Variants in JAG2 observed in about 807,000 individuals in gnomAD.
JAG2 encodes jagged canonical Notch ligand 2.
In JAG2, 46 loss-of-function variants were observed where a neutral mutation model predicts 141.7. The ratio of observed to expected loss-of-function variants is 0.32; its 90% confidence interval spans 0.26 to 0.42. The LOEUF (loss-of-function observed/expected upper bound fraction) is 0.42, where lower values mean the gene tolerates loss of function less well. JAG2 is among the 10% of genes least tolerant of loss of function. The probability of loss-of-function intolerance (pLI) is 1.00; values close to 1 mark genes in which losing one functional copy is unlikely to be tolerated. For synonymous variants in JAG2, 862 were observed against 763.5 expected (o/e 1.13, Z -2.13); for missense variants, 1,500 against 1,817.5 (o/e 0.83, Z 3.18).
chr14:105,163,102 C>CTTCTCCTCT (rs1362364677), intron 2 of JAG2, among the ~76,000 whole-genome samples: 1 of 152,230 alleles, frequency 6.6e-6, no homozygotes, highest in African/African-American at 2.4e-5. Flanking sequence ...GACTTGGTTT[C>CTTCTCCTCT]TTCTCCTCGG....
Position 105,143,558 on chromosome 14 carries a change from C to G in JAG2, c.3165G>C (p.Gln1055His). The G allele has an allele frequency of 6.2e-7, 1 of 1,600,660 alleles. No individual in the cohort carries two copies. Among genetic ancestry groups the G allele is most frequent in the Non-Finnish European group, 8.5e-7 (1 of 1,176,248 alleles). ...CCAGGAGCAGTGAGCTGTTCCCCCG[C>G]TGGGTGATGGCGGCCACGATGGCGT... ...AAHAIVAAIT[Q>H]RGNSSLLLAV... Residue 1055 changes from glutamine to histidine, a missense_variant, in exon 25 of 26, where the codon CAG becomes CAC. Physicochemically the swap from Gln to His is conservative, Grantham distance 24. Transcript: ENST00000331782.
chr14:105,143,349 C>T (rs868742893), intron 25 of JAG2, 133 bp downstream of exon 25: 49 of 1,299,418 alleles, frequency 3.8e-5, no homozygotes, highest in Non-Finnish European at 4.4e-5. Context: ...TGGGGCTGGG[C>T]GGCTGGGGCA....
In JAG2 at chr14:105,167,993, C is replaced by A; in HGVS notation, c.181G>T (p.Gly61Cys). 4.4e-6 allele frequency: 7 copies of A among 1,601,854 alleles called. No homozygotes were observed. Among genetic ancestry groups the A allele is most frequent in the Non-Finnish European group, 5.9e-6 (7 of 1,177,504 alleles). Residue 61 changes from glycine (G) to cysteine (C), a missense_variant, in exon 2 of 26, where the codon GGC becomes TGC. By Grantham distance (159) the Gly-to-Cys change is radical. Transcript: ENST00000331782. The surrounding 1 kb of genome is among the most constrained non-coding windows in gnomAD (Gnocchi z 4.8). ...DGDGRTTRAGGCGHDECDTYV... is the reference protein window; with the variant it reads ...DGDGRTTRAGCCGHDECDTYV... ...GTGTCGCACTCGTCGTGGCCGCAGC[C>A]CCCCGCGCGCGTTGTCCGGCCGTCG... is the stretch of plus-strand genomic sequence containing the variant.
intron 20 of JAG2, chr14:105,147,061 G>C: frequency 1.7e-6 from 1 of 603,942 alleles, no homozygotes; most frequent in Non-Finnish European, 3.0e-6. Context: ...AGGAGCCCAC[G>C]TCAGGCTGCA....
At chr14:105,155,158 C>A (rs1888542396) in intron 5 of JAG2, among the ~76,000 whole-genome samples, 1 of 151,882 alleles carries the variant, frequency 6.6e-6, no homozygotes, top group Non-Finnish European at 1.5e-5. Context: ...GGCCTCAGCT[C>A]CCACCACTGG....
intron 2 of JAG2, among the ~76,000 whole-genome samples, chr14:105,159,724 C>G (rs1283846539): frequency 1.9e-5 from 2 of 103,864 alleles, no homozygotes; most frequent in Non-Finnish European, 4.1e-5. Flanking sequence ...CCACACCCCC[C>G]CAGAGCTCCA....
At chr14:105,147,740 G>A (rs1888271075) in intron 18 of JAG2, 32 bp downstream of exon 18, 1 of 1,446,556 alleles carries the variant, frequency 6.9e-7, no homozygotes, top group Admixed American at 2.0e-5. Flanking sequence ...GTGGAGGAAA[G>A]CGGCCCCCGC....
At chr14:105,147,972 G>A in intron 17 of JAG2, 84 bp from the exon 18 acceptor site, 2 of 1,235,038 alleles carry the variant, frequency 1.6e-6, no homozygotes, top group South Asian at 1.3e-5. Context: ...AACCCAGACA[G>A]GGCAGACAGA....
In JAG2 at chr14:105,151,405, G is replaced by A. The variant is rs765371897; in HGVS notation, c.1154-9C>T. On this transcript the variant is annotated splice_polypyrimidine_tract_variant and intron_variant, in intron 8 of 25. Coordinates refer to ENST00000331782, the MANE Select transcript of JAG2 (RefSeq NM_002226.5). ...AGCACACTCATCGATGTCTGCAGAG[G>A]GTGGAGAAAGGTGGGGCCCTGGCAG... 8 of 1,605,732 alleles carry A rather than the reference G, an allele frequency of 5.0e-6. No individual in the cohort carries two copies. Among genetic ancestry groups the A allele is most frequent in the East Asian group, 2.2e-5 (1 of 44,846 alleles).
chr14:105,150,136 G>T (rs1410085372), intron 12 of JAG2, among the ~76,000 whole-genome samples: 1 of 145,500 alleles, frequency 6.9e-6, no homozygotes, highest in African/African-American at 2.6e-5. Flanking sequence ...AGGGGAGGTT[G>T]GGGGAGGGGG....
Position 105,142,493 on chromosome 14 carries a change from T to C in JAG2, c.*202A>G, listed in dbSNP as rs1029824149. On this transcript the variant is annotated 3_prime_UTR_variant, in exon 26 of 26. Coordinates refer to ENST00000331782, the MANE Select transcript of JAG2 (RefSeq NM_002226.5). ...TACAAAAATAGCAACTATCCGAGAA[T>C]ACTCCATTGTTTTCAGCCTGACAGT... 3 of 582,158 alleles carry C rather than the reference T, an allele frequency of 5.2e-6. No individual in the cohort carries two copies. The African/African-American group carries it at 5.6e-5, about 11-fold the overall frequency. The allele number at this position is 582,158 out of a possible 1,614,324, so 36.1% of individuals were successfully genotyped here.
intron 2 of JAG2, among the ~76,000 whole-genome samples, chr14:105,163,150 C>T (rs1036534111): frequency 3.3e-5 from 5 of 152,228 alleles, no homozygotes; most frequent in Non-Finnish European, 7.3e-5. Flanking sequence ...CGGAGCACAG[C>T]GCTTGGTGCA....
chr14:105,143,815 G>A (rs1313296685), intron 24 of JAG2, among the ~76,000 whole-genome samples, 177 bp from the exon 25 acceptor site: 2 of 150,120 alleles, frequency 1.3e-5, no homozygotes, highest in African/African-American at 2.5e-5. Flanking sequence ...AGCGGGGGGA[G>A]GAGTGGAGGG....
Position 105,151,277 on chromosome 14 carries a change from C to T in JAG2, c.1267+6G>A. 1.2e-6 allele frequency: 2 copies of T among 1,611,078 alleles called. No homozygotes were observed. Among genetic ancestry groups the T allele is most frequent in the Non-Finnish European group, 1.7e-6 (2 of 1,178,866 alleles). ...ACGTTCCCATGCACTCGCTCGGAGC[C>T]CTTACCCAGCTGGCAGGTGGCCCCC... On this transcript the variant is annotated splice_donor_region_variant and intron_variant, in intron 9 of 25. Transcript: ENST00000331782.
rs766691203 is a variant in JAG2, at chr14:105,155,935, C to T, written c.530G>A (p.Arg177His). Reference protein sequence around the residue: ...SHAGMINPEDRWKSLHFSGHV... With the variant: ...SHAGMINPEDHWKSLHFSGHV... ...GCCGCTGAAGTGCAGGCTCTTCCAG[C>T]GGTCCTCCGGGTTGATCATGCCGGC... Residue 177 changes from arginine to histidine, a missense_variant, in exon 4 of 26, where the codon CGC (arginine) becomes CAC (histidine). Transcript: ENST00000331782. 21 of 1,610,976 alleles carry T rather than the reference C, an allele frequency of 1.3e-5. 1 individual carries two copies. In the South Asian group the frequency reaches 2.0e-4, roughly 15 times the overall value.
At position 105,167,130 on chromosome 14, in the gene JAG2, C is replaced by G. The variant is rs1888936656; in HGVS notation, c.417+627G>C. 1.3e-5 allele frequency among the ~76,000 whole-genome samples: 2 copies of G among 152,178 alleles called. No individual in the cohort carries two copies. The highest frequency in any genetic ancestry group is 2.9e-5 in the Non-Finnish European group (2 of 68,018). ...AGCCCCGACTCAGCTTCTGCCCCTC[C>G]AGAATAACAAAACCAAAAAAACCCA... On this transcript the variant is annotated intron_variant, in intron 2 of 25. Coordinates refer to ENST00000331782, the MANE Select transcript of JAG2 (RefSeq NM_002226.5). The surrounding 1 kb of genome is among the most constrained non-coding windows in gnomAD (Gnocchi z 4.8).
intron 2 of JAG2, among the ~76,000 whole-genome samples, chr14:105,158,701 T>C (rs1032752244): frequency 1.7e-4 from 26 of 152,010 alleles, no homozygotes; most frequent in African/African-American, 5.6e-4. Context: ...CCCCCCAGTC[T>C]ACCCCTGGTG....
intron 24 of JAG2, among the ~76,000 whole-genome samples, chr14:105,144,140 C>T (rs1888151701): frequency 6.6e-6 from 1 of 152,022 alleles, no homozygotes; most frequent in African/African-American, 2.4e-5. Context: ...CCGTGATGGC[C>T]ATCCCTTCTT....
chr14:105,166,680 G>C (rs587616256), intron 2 of JAG2, among the ~76,000 whole-genome samples: 3 of 152,328 alleles, frequency 2.0e-5, no homozygotes, highest in South Asian at 2.1e-4. Flanking sequence ...AGCCACACAC[G>C]GCAGGCCCAA....
Sources: gnomAD v4.1 joint callset for allele counts (sites outside exome capture counted in the v4.1 genomes callset) on GRCh38, gnomAD v4.1.1 for gene constraint, Gnocchi (gnomAD v3.1) non-coding constraint, MANE v1.5 for transcripts, NCBI Gene and HGNC (gene_info 2026-07-23, HGNC 2026-07-21) for gene names.